CLMP: variants seen among roughly 807,000 people sequenced by gnomAD.
CLMP encodes the protein CXADR like cell adhesion molecule.
In CLMP, 27 loss-of-function variants were observed where a neutral mutation model predicts 45.2. The observed-to-expected ratio is 0.60, with a 90% CI of 0.44 to 0.82. The LOEUF is 0.82. CLMP is among the 40% of genes least tolerant of loss of function. CLMP has a pLI of 0.00. For synonymous variants in CLMP, 167 were observed against 171.4 expected, an observed-to-expected ratio of 0.97 and a Z score of 0.20; for missense variants, 403 against 448.4, an observed-to-expected ratio of 0.90 and a Z score of 0.91.
At position 123,178,517 on chromosome 11, in the gene CLMP, A is replaced by C. The variant is rs139200112; in HGVS notation, c.28+16396T>G. On this transcript the variant is annotated intron_variant, in intron 1 of 6. Transcript: ENST00000448775. ...ACAAATTGCTTCTCTGAGTTTCAGC[A>C]GTTTGCTCATCTATAAAATGGAGTT... Among the ~76,000 whole-genome samples the C allele has an allele frequency of 5.6e-3, 846 of 152,332 alleles. 11 individuals carry two copies. Among genetic ancestry groups the C allele is most frequent in the African/African-American group, 0.02 (816 of 41,576 alleles).
chr11:123,151,925 T>C (rs1353059138), intron 1 of CLMP, among the ~76,000 whole-genome samples: 1 of 152,192 alleles, frequency 6.6e-6, no homozygotes, highest in African/African-American at 2.4e-5. Context: ...TTCACTCCTG[T>C]TCTAATCTTG....
At position 123,105,942 on chromosome 11, in the gene CLMP, G is replaced by A. The variant is rs1264492270; in HGVS notation, c.29-7990C>T. Among the ~76,000 whole-genome samples, 3 of 151,406 alleles carry A rather than the reference G, an allele frequency of 2.0e-5. No homozygotes were observed. The South Asian group carries it at 6.3e-4, about 32-fold the overall frequency. Reference sequence around the variant, plus strand: ...AGCGATTCTTGTGCCTCAGCCTCCCGAGTAGCTGGGATTACAGGCCCACGC... The same window carrying A: ...AGCGATTCTTGTGCCTCAGCCTCCCAAGTAGCTGGGATTACAGGCCCACGC... On this transcript the variant is annotated intron_variant, in intron 1 of 6. Coordinates refer to ENST00000448775, the MANE Select transcript of CLMP (RefSeq NM_024769.5).
At chr11:123,120,124 A>C (rs891751640) in intron 1 of CLMP, among the ~76,000 whole-genome samples, 3 of 152,186 alleles carry the variant, frequency 2.0e-5, no homozygotes, top group African/African-American at 4.8e-5. Context: ...TTGTTGTACT[A>C]TTTAAAAATA....
At chr11:123,100,703 T>C (rs1866046260) in intron 1 of CLMP, among the ~76,000 whole-genome samples, 1 of 152,186 alleles carries the variant, frequency 6.6e-6, no homozygotes, top group African/African-American at 2.4e-5. Context: ...TTCATTTCTC[T>C]TGTGCCTCTA....
chr11:123,098,037 A>G, intron 1 of CLMP, 85 bp from the exon 2 acceptor site: 3 of 1,205,796 alleles, frequency 2.5e-6, no homozygotes, highest in Non-Finnish European at 3.4e-6. Flanking sequence ...GAATTATGGG[A>G]TGTTCCCGTG....
intron 1 of CLMP, among the ~76,000 whole-genome samples, chr11:123,127,484 G>A (rs1860913451): frequency 6.6e-6 from 1 of 152,076 alleles, no homozygotes; most frequent in African/African-American, 2.4e-5. Flanking sequence ...GTGGAGGGAG[G>A]GAGGACTAAA....
At chr11:123,089,776 C>CAAAAA (rs556690828) in intron 2 of CLMP, among the ~76,000 whole-genome samples, 2 of 79,340 alleles carry the variant, frequency 2.5e-5, no homozygotes, top group African/African-American at 4.8e-5. Context: ...GTCTCCATCT[C>CAAAAA]AAAAAAAAAA....
intron 1 of CLMP, among the ~76,000 whole-genome samples, chr11:123,150,375 TA>T (rs754937680): frequency 5.7e-4 from 81 of 142,308 alleles, no homozygotes; most frequent in Non-Finnish European, 8.7e-4. Flanking sequence ...AGGGGCAGGT[TA>T]AATTAGAGCC....
intron 2 of CLMP, among the ~76,000 whole-genome samples, chr11:123,086,921 C>T (rs1051043905): frequency 7.2e-5 from 11 of 152,120 alleles, no homozygotes; most frequent in Admixed American, 5.2e-4. Context: ...TAACTGGGTG[C>T]GGTGGCTCAC....
intron 5 of CLMP, among the ~76,000 whole-genome samples, chr11:123,081,290 G>C (rs948144290): frequency 3.3e-5 from 5 of 152,142 alleles, no homozygotes; most frequent in African/African-American, 1.2e-4. Context: ...ATGTAACAAA[G>C]ATTAATATCC....
chr11:123,079,555 GC>G (rs2135464986), intron 5 of CLMP, among the ~76,000 whole-genome samples: 2 of 152,300 alleles, frequency 1.3e-5, no homozygotes, highest in South Asian at 4.1e-4. Context: ...CCAGGGTCAA[GC>G]GATTCTCCTA....
intron 1 of CLMP, among the ~76,000 whole-genome samples, chr11:123,103,777 T>C (rs999148430): frequency 1.3e-5 from 2 of 151,944 alleles, no homozygotes; most frequent in Non-Finnish European, 2.9e-5. Context: ...TTCTGTACTT[T>C]TTTTTCTTTT....
chr11:123,106,432 CGCGCGCGCACGT>C (rs1860557470), intron 1 of CLMP, among the ~76,000 whole-genome samples: 1 of 96,378 alleles, frequency 1.0e-5, no homozygotes, highest in South Asian at 3.0e-4. Flanking sequence ...TGTGCGCGCG[CGCGCGCGCACGT>C]GCCTGCCTTC....
chr11:123,147,930 G>A (rs1168164420), intron 1 of CLMP, among the ~76,000 whole-genome samples: 1 of 150,954 alleles, frequency 6.6e-6, no homozygotes, highest in Non-Finnish European at 1.5e-5. Context: ...CTCCCACCTT[G>A]GCCTCCCAAA....
chr11:123,092,445 A>C (rs1450735360), intron 2 of CLMP, among the ~76,000 whole-genome samples: 1 of 151,578 alleles, frequency 6.6e-6, no homozygotes. Context: ...CTACAGGCAC[A>C]CACCACCACG....
At chr11:123,111,210 G>C (rs749171305) in intron 1 of CLMP, among the ~76,000 whole-genome samples, 2 of 151,962 alleles carry the variant, frequency 1.3e-5, no homozygotes, top group Non-Finnish European at 2.9e-5. Flanking sequence ...CACGATCTGG[G>C]CTCACTGCAA....
chr11:123,161,450 T>C (rs1320504431), intron 1 of CLMP, among the ~76,000 whole-genome samples: 1 of 152,068 alleles, frequency 6.6e-6, no homozygotes, highest in Non-Finnish European at 1.5e-5. Flanking sequence ...GTGGACTGCT[T>C]GAGCCCAGGA....
At chr11:123,171,482 C>T (rs1207209071) in intron 1 of CLMP, among the ~76,000 whole-genome samples, 2 of 138,616 alleles carry the variant, frequency 1.4e-5, no homozygotes, top group Non-Finnish European at 3.0e-5. Flanking sequence ...CTAGCTCTGT[C>T]ACCCAGGCTG....
At chr11:123,145,464 T>C (rs796640594) in intron 1 of CLMP, among the ~76,000 whole-genome samples, 1 of 89,128 alleles carries the variant, frequency 1.1e-5, no homozygotes, top group Non-Finnish European at 2.4e-5. Context: ...TTTTTTTTTT[T>C]TTTTTTTTTT....
Sources: allele counts gnomAD v4.1 joint callset (sites outside exome capture counted in the v4.1 genomes callset), GRCh38; gene constraint gnomAD v4.1.1; transcripts MANE v1.5; gene names NCBI Gene and HGNC (gene_info 2026-07-23, HGNC 2026-07-21).